Variants in ZSWIM6 observed in about 807,000 individuals in gnomAD.
ZSWIM6 encodes zinc finger SWIM domain-containing protein 6.
In ZSWIM6, 9 loss-of-function variants were observed where a neutral mutation model predicts 113.2. The ratio of observed to expected loss-of-function variants is 0.08; its 90% CI spans 0.05 to 0.14. The LOEUF (loss-of-function observed/expected upper bound fraction) is 0.14. ZSWIM6 is among the 10% of genes least tolerant of loss of function. ZSWIM6 has a pLI of 1.00. For synonymous variants in ZSWIM6, 611 were observed against 606.5 expected, an observed-to-expected ratio of 1.01 and a Z score of -0.11; for missense variants, 1,162 against 1,552.2, an observed-to-expected ratio of 0.75 and a Z score of 4.22.
chr5:61,538,744 G>T, intron 10 of ZSWIM6, 70 bp from the exon 11 acceptor site: 2 of 1,487,470 alleles, frequency 1.3e-6, no homozygotes, highest in Non-Finnish European at 1.8e-6. Context: ...GCTTCTGTTG[G>T]CCAGTCTTTC....
At chr5:61,423,437 C>A (rs926517718) in intron 1 of ZSWIM6, among the ~76,000 whole-genome samples, 3 of 149,446 alleles carry the variant, frequency 2.0e-5, no homozygotes, top group African/African-American at 4.9e-5. Context: ...AAAAACAAAA[C>A]GGCAACAACA....
chr5:61,392,902 G>A (rs564942730), intron 1 of ZSWIM6, among the ~76,000 whole-genome samples: 7 of 151,970 alleles, frequency 4.6e-5, no homozygotes, highest in Non-Finnish European at 1.0e-4. Context: ...GTGAGCCACC[G>A]CGCCTGGCCC....
chr5:61,360,628 C>G (rs1249807196), intron 1 of ZSWIM6, among the ~76,000 whole-genome samples: 1 of 152,202 alleles, frequency 6.6e-6, no homozygotes, highest in Non-Finnish European at 1.5e-5. Context: ...AAATGAGTGG[C>G]TGTTTCCATT....
intron 1 of ZSWIM6, among the ~76,000 whole-genome samples, chr5:61,395,289 G>T (rs1040566178): frequency 2.6e-5 from 4 of 151,856 alleles, no homozygotes; most frequent in Non-Finnish European, 4.4e-5. Flanking sequence ...GTGTGTTGGT[G>T]GGGGGGCACT....
At chr5:61,415,034 C>T (rs999500420) in intron 1 of ZSWIM6, among the ~76,000 whole-genome samples, 2 of 152,224 alleles carry the variant, frequency 1.3e-5, no homozygotes, top group East Asian at 1.9e-4. Context: ...AGTACTTGCT[C>T]GAGGATACAC....
chr5:61,335,117 GTGAGTAGT>G (rs919529858), intron 1 of ZSWIM6, among the ~76,000 whole-genome samples: 1 of 152,254 alleles, frequency 6.6e-6, no homozygotes, highest in African/African-American at 2.4e-5. Flanking sequence ...AGAGGCCTGG[GTGAGTAGT>G]TGTAAAAGAA....
At chr5:61,396,941 T>C (rs1213824641) in intron 1 of ZSWIM6, among the ~76,000 whole-genome samples, 1 of 152,164 alleles carries the variant, frequency 6.6e-6, no homozygotes, top group Non-Finnish European at 1.5e-5. Context: ...TAACAATAAA[T>C]TTGTTTGCCC....
At chr5:61,507,922 A>G (rs371090714) in intron 4 of ZSWIM6, among the ~76,000 whole-genome samples, 2 of 149,480 alleles carry the variant, frequency 1.3e-5, no homozygotes, top group East Asian at 3.8e-4. Flanking sequence ...ACAAATTCCA[A>G]CTTACAGAAG....
intron 5 of ZSWIM6, among the ~76,000 whole-genome samples, chr5:61,523,113 C>T (rs1749176648): frequency 6.6e-6 from 1 of 152,124 alleles, no homozygotes; most frequent in Non-Finnish European, 1.5e-5. Flanking sequence ...AGCAGAATAC[C>T]CCCATCCTTC....
At position 61,543,335 on chromosome 5, in the gene ZSWIM6, T is replaced by G; in HGVS notation, c.2786-120T>G. The stretch of plus-strand genomic sequence containing the variant: ...AGGCACATTACTTTACAGGATTTTC[T>G]AGCCTAGCTCATGTCCTATGATGGT... On this transcript the variant is annotated intron_variant, in intron 13 of 13. Coordinates refer to ENST00000252744, the MANE Select transcript of ZSWIM6 (RefSeq NM_020928.2). This position sits in a 1 kb window ranked among gnomAD's most constrained non-coding sequence, Gnocchi z 4.3. The G allele has an allele frequency of 8.2e-7, 1 of 1,221,986 alleles. No individual in the cohort carries two copies. Among genetic ancestry groups the G allele is most frequent in the Admixed American group, 2.8e-5 (1 of 35,186 alleles). The allele number at this position is 1,221,986 out of a possible 1,614,324, so 75.7% of individuals were successfully genotyped here.
chr5:61,483,680 A>G (rs1747938990), intron 2 of ZSWIM6, among the ~76,000 whole-genome samples: 1 of 150,894 alleles, frequency 6.6e-6, no homozygotes, highest in South Asian at 2.1e-4. Flanking sequence ...CATCCTAGCT[A>G]ACAGGATGAA....
intron 1 of ZSWIM6, among the ~76,000 whole-genome samples, chr5:61,463,425 TA>T (rs1187511942): frequency 1.3e-5 from 2 of 152,214 alleles, no homozygotes; most frequent in Admixed American, 6.5e-5. Flanking sequence ...TCTAATCCTC[TA>T]AGTCAGTGGT....
intron 1 of ZSWIM6, among the ~76,000 whole-genome samples, chr5:61,430,725 A>G (rs1254218215): frequency 1.3e-5 from 2 of 152,234 alleles, no homozygotes; most frequent in African/African-American, 4.8e-5. Context: ...CCCAGTATAC[A>G]TCTGTAAAAC....
chr5:61,373,102 C>A (rs959507441), intron 1 of ZSWIM6, among the ~76,000 whole-genome samples: 1 of 152,032 alleles, frequency 6.6e-6, no homozygotes, highest in Non-Finnish European at 1.5e-5. Flanking sequence ...TATTCATTTA[C>A]GTTTAAAAAA....
chr5:61,543,635 T>C lies in ZSWIM6; in HGVS notation c.2966T>C (p.Met989Thr). 6.4e-7 allele frequency: 1 copy of C among 1,551,788 alleles called. No individual in the cohort carries two copies. Among genetic ancestry groups the C allele is most frequent in the Non-Finnish European group, 8.7e-7 (1 of 1,147,010 alleles). ...CGGACACTTGCACTGCAGTGTGCCA[T>C]GAAGGATCCACAGAACTGTGCCCTC... Reference protein sequence around the residue: ...SARTLALQCAMKDPQNCALSA... With the variant: ...SARTLALQCATKDPQNCALSA... The change falls in exon 14 of 14, where the codon ATG (methionine) becomes ACG (threonine). Residue 989 changes from methionine (M) to threonine (T), a missense_variant. Met to Thr is a moderately conservative substitution (Grantham distance 81, BLOSUM62 -1). Transcript: ENST00000252744. This position sits in a 1 kb window ranked among gnomAD's most constrained non-coding sequence, Gnocchi z 4.3.
At chr5:61,508,732 A>G (rs1362153381) in intron 4 of ZSWIM6, among the ~76,000 whole-genome samples, 1 of 152,136 alleles carries the variant, frequency 6.6e-6, no homozygotes, top group African/African-American at 2.4e-5. Context: ...TCCTGGGCCC[A>G]AACCTTACGT....
chr5:61,448,894 T>C (rs1184841196), intron 1 of ZSWIM6, among the ~76,000 whole-genome samples: 3 of 152,102 alleles, frequency 2.0e-5, no homozygotes, highest in African/African-American at 7.2e-5. Flanking sequence ...TAGAGAGTAA[T>C]AGGTATATGT....
intron 5 of ZSWIM6, among the ~76,000 whole-genome samples, chr5:61,523,556 A>T (rs996370393): frequency 6.6e-6 from 1 of 152,176 alleles, no homozygotes; most frequent in Non-Finnish European, 1.5e-5. Flanking sequence ...TTTATGAAAA[A>T]TTCTTACAAA....
At chr5:61,393,894 A>G (rs1745784850) in intron 1 of ZSWIM6, among the ~76,000 whole-genome samples, 1 of 152,046 alleles carries the variant, frequency 6.6e-6, no homozygotes, top group Non-Finnish European at 1.5e-5. Context: ...CTTTTAATCT[A>G]CAGGGGGCTT....
Sources: allele counts gnomAD v4.1 joint callset (sites outside exome capture counted in the v4.1 genomes callset), GRCh38; gene constraint gnomAD v4.1.1; non-coding constraint Gnocchi (gnomAD v3.1); transcripts MANE v1.5; gene names NCBI Gene and HGNC (gene_info 2026-07-23, HGNC 2026-07-21).